The following MEIG1 variants were observed in gnomAD, a reference collection of about 807,000 sequenced individuals.
MEIG1 encodes the protein meiosis/spermiogenesis associated 1, also known as meiosis expressed gene 1 protein homolog.
MEIG1 carries 12 observed loss-of-function variants against 11.3 expected under a neutral mutation model. The ratio of observed to expected loss-of-function variants is 1.07; its 90% CI spans 0.68 to 1.73. MEIG1 has a LOEUF of 1.73. Ranked by LOEUF, MEIG1 falls within the 40% of genes most tolerant of loss-of-function variation. The pLI, the probability that MEIG1 is intolerant of heterozygous loss-of-function variation, is 0.00. For missense variants in MEIG1, 119 were observed against 104.9 expected (o/e 1.13, Z -0.59); for synonymous variants, 41 against 33.2 (o/e 1.24, Z -0.81).
chr10:14,959,549 G>C lies in MEIG1; in HGVS notation c.-38G>C, dbSNP rs1842986889. 6.6e-6 allele frequency: 1 copy of C among 152,320 alleles called. No homozygotes were observed. The allele number at this position is 152,320 out of a possible 1,614,324, so 9.4% of individuals were successfully genotyped here. A position where few individuals can be genotyped will look rare whatever the true frequency, so the allele number is the denominator to read the frequency against. On this transcript the variant is annotated 5_prime_UTR_variant, in exon 1 of 3. Transcript: ENST00000407572. ...GAACGAGGATAACCCAGTAGAGCCG[G>C]ACCCAGGGGTGGGTGGATGCGTCGC...
At chr10:14,979,705 G>A (rs12268347) in intron 1 of MEIG1, among the ~76,000 whole-genome samples, 8,030 of 151,996 alleles carry the variant, frequency 0.053, 704 homozygotes, top group African/African-American at 0.18. Flanking sequence ...TTATCTTAAT[G>A]TCATAGGGTG....
intron 1 of MEIG1, among the ~76,000 whole-genome samples, chr10:14,964,453 C>T (rs1182722346): frequency 6.6e-6 from 1 of 151,268 alleles, no homozygotes; most frequent in Non-Finnish European, 1.5e-5. Context: ...ACTTTTAAGT[C>T]TATGTTAATT....
intron 1 of MEIG1, among the ~76,000 whole-genome samples, chr10:14,986,628 A>G (rs112220174): frequency 1.3e-5 from 2 of 152,246 alleles, no homozygotes; most frequent in African/African-American, 4.8e-5. Flanking sequence ...ATGTAGGTGT[A>G]TGATGGAGTC....
At chr10:14,957,711 G>GCCACCT (rs569486187), upstream of MEIG1, among the ~76,000 whole-genome samples, 19 of 152,168 alleles carry the variant, frequency 1.2e-4, no homozygotes, top group South Asian at 1.2e-3. Context: ...TCGGCTCACT[G>GCCACCT]CCACCTCCAC....
At chr10:14,985,906 C>A (rs556275594) in intron 1 of MEIG1, among the ~76,000 whole-genome samples, 1 of 152,110 alleles carries the variant, frequency 6.6e-6, no homozygotes, top group Non-Finnish European at 1.5e-5. Context: ...GCGTGTACCC[C>A]GGGTGTGTAC....
chr10:14,964,365 A>G (rs1311525485), intron 1 of MEIG1, among the ~76,000 whole-genome samples: 1 of 151,470 alleles, frequency 6.6e-6, no homozygotes, highest in Non-Finnish European at 1.5e-5. Flanking sequence ...TCCATTTCCT[A>G]TTTTTCCTCT....
chr10:14,960,478 G>C (rs987777509), intron 1 of MEIG1, among the ~76,000 whole-genome samples: 2 of 152,074 alleles, frequency 1.3e-5, no homozygotes, highest in Non-Finnish European at 2.9e-5. Context: ...GAGTGCAGTG[G>C]CGGGATCTCG....
At chr10:14,966,419 T>C (rs1473723177) in intron 1 of MEIG1, 21 bp from the exon 2 acceptor site, 1 of 1,528,848 alleles carries the variant, frequency 6.5e-7, no homozygotes, top group East Asian at 2.3e-5. Flanking sequence ...TATCCATTAA[T>C]GTTGTTTTAA....
chr10:14,983,948 G>T (rs1843289890), intron 1 of MEIG1, among the ~76,000 whole-genome samples: 1 of 152,016 alleles, frequency 6.6e-6, no homozygotes, highest in Non-Finnish European at 1.5e-5. Context: ...TGTTCCTAAT[G>T]TCAACGTGGG....
chr10:14,954,482 C>G (rs1392715578), upstream of MEIG1: 1 of 268,196 alleles, frequency 3.7e-6, no homozygotes, highest in African/African-American at 2.2e-5. Flanking sequence ...GTTCCCCGCC[C>G]TCTCTCTTCT....
At chr10:14,959,702 G>T (rs1589201252) in intron 1 of MEIG1, 145 bp downstream of exon 1, 1 of 152,266 alleles carries the variant, frequency 6.6e-6, no homozygotes. Flanking sequence ...AGATCCCGTG[G>T]TTTTCATGTC....
upstream of MEIG1, among the ~76,000 whole-genome samples, chr10:14,956,304 T>G (rs974537064): frequency 5.3e-5 from 8 of 151,990 alleles, no homozygotes; most frequent in Non-Finnish European, 1.0e-4. Context: ...TCAGGGCCAG[T>G]GTGGTGGCTC....
downstream of MEIG1, among the ~76,000 whole-genome samples, chr10:14,973,895 C>T (rs936197364): frequency 1.3e-5 from 2 of 151,998 alleles, no homozygotes; most frequent in African/African-American, 2.4e-5. Context: ...ATTGCAGCCT[C>T]AGGATTTACA....
At chr10:14,967,851 A>G (rs1478444923) in intron 2 of MEIG1, among the ~76,000 whole-genome samples, 1 of 152,034 alleles carries the variant, frequency 6.6e-6, no homozygotes, top group African/African-American at 2.4e-5. Flanking sequence ...ATTATTTTTG[A>G]TATTTATAGT....
intron 1 of MEIG1, among the ~76,000 whole-genome samples, chr10:14,985,639 A>G (rs1245033451): frequency 1.3e-5 from 2 of 152,026 alleles, no homozygotes; most frequent in Non-Finnish European, 2.9e-5. Flanking sequence ...TATTCATAAT[A>G]GCCTAGGAGG....
downstream of MEIG1, among the ~76,000 whole-genome samples, chr10:14,973,426 C>T (rs529762976): frequency 2.4e-4 from 36 of 152,094 alleles, no homozygotes; most frequent in South Asian, 6.2e-4. Flanking sequence ...GGAATAATGC[C>T]CCCCATGGAA....
chr10:14,975,308 G>C (rs964307850), downstream of MEIG1, among the ~76,000 whole-genome samples: 1 of 152,076 alleles, frequency 6.6e-6, no homozygotes, highest in African/African-American at 2.4e-5. Flanking sequence ...GGAAGGGAGA[G>C]GACGATATGA....
chr10:14,964,000 A>C lies in MEIG1; in HGVS notation c.-29-2440A>C, dbSNP rs542034130. 2.4e-3 allele frequency among the ~76,000 whole-genome samples: 369 copies of C among 151,420 alleles called. 2 individuals carry two copies. The highest frequency in any genetic ancestry group is 8.5e-3 in the African/African-American group (353 of 41,334). On this transcript the variant is annotated intron_variant, in intron 1 of 2. Coordinates refer to ENST00000407572, the MANE Select transcript of MEIG1 (RefSeq NM_001080836.3). The stretch of plus-strand genomic sequence containing the variant: ...GTAGTCCCAGCTACTCAGGAGGCTG[A>C]GGCAGGAGAATAGCATGAACCTGGG...
chr10:14,976,120 C>T (rs1383302166), downstream of MEIG1, among the ~76,000 whole-genome samples: 2 of 151,956 alleles, frequency 1.3e-5, no homozygotes, highest in Non-Finnish European at 2.9e-5. Flanking sequence ...TCGTAATACC[C>T]AGGTGGGGAG....
Sources: allele counts gnomAD v4.1 joint callset (sites outside exome capture counted in the v4.1 genomes callset), GRCh38; gene constraint gnomAD v4.1.1; transcripts MANE v1.5; gene names NCBI Gene and HGNC (gene_info 2026-07-23, HGNC 2026-07-21).